Variants in GLIS3 observed in about 807,000 individuals in gnomAD.
GLIS3 encodes zinc finger protein GLIS3.
In GLIS3, 53 loss-of-function variants were observed where a neutral mutation model predicts 78.6. The observed-to-expected ratio is 0.67, with a 90% CI of 0.54 to 0.85. GLIS3 has a LOEUF of 0.85. GLIS3 is among the 40% of genes least tolerant of loss of function. The pLI is 0.00. For synonymous variants in GLIS3, 684 were observed against 509.9 expected (o/e 1.34, Z -4.60); for missense variants, 1,703 against 1,231.1 (o/e 1.38, Z -5.74).
At chr9:4,020,002 C>T (rs572673784) in intron 4 of GLIS3, among the ~76,000 whole-genome samples, 17 of 152,296 alleles carry the variant, frequency 1.1e-4, no homozygotes, top group African/African-American at 3.6e-4. Flanking sequence ...AAGTGATCCA[C>T]CTCCTCCCAA....
chr9:4,266,956 A>G (rs1261253998), intron 2 of GLIS3, among the ~76,000 whole-genome samples: 1 of 152,242 alleles, frequency 6.6e-6, no homozygotes, highest in African/African-American at 2.4e-5. Context: ...TAAGTGCTAC[A>G]TGCTGTGATA....
At chr9:4,386,423 A>G in the GLIS3 span, 13,988 of 151,948 alleles carry the variant, frequency 0.092, 979 homozygotes, top group East Asian at 0.34. Flanking sequence ...TAAATGAAAC[A>G]CTTCACAAAT....
the GLIS3 span, among the ~76,000 whole-genome samples, chr9:4,390,870 A>G: frequency 1.3e-5 from 2 of 152,182 alleles, no homozygotes; most frequent in African/African-American, 4.8e-5. Context: ...AGCAGTAGAG[A>G]GCTGGAGGCA....
At chr9:3,986,613 C>T (rs1819759260) in intron 4 of GLIS3, among the ~76,000 whole-genome samples, 1 of 152,248 alleles carries the variant, frequency 6.6e-6, no homozygotes, top group Admixed American at 6.5e-5. Flanking sequence ...AGAGCAGGGG[C>T]ACTGGCAGGG....
At chr9:4,479,711 C>T in the GLIS3 span, among the ~76,000 whole-genome samples, 5 of 151,926 alleles carry the variant, frequency 3.3e-5, no homozygotes, top group Non-Finnish European at 7.4e-5. Context: ...GTGGCTGCAC[C>T]CCAGGTTAGG....
intron 4 of GLIS3, among the ~76,000 whole-genome samples, chr9:4,012,822 GA>G (rs1453052863): frequency 7.2e-6 from 1 of 138,200 alleles, no homozygotes. Context: ...ATCCAGGCTG[GA>G]GTGCAACGGC....
At chr9:4,385,818 GAAA>G in the GLIS3 span, among the ~76,000 whole-genome samples, 1 of 43,518 alleles carries the variant, frequency 2.3e-5, no homozygotes, top group Non-Finnish European at 5.4e-5. Flanking sequence ...AGAAAAGAAA[GAAA>G]GAGAAAAGAA....
chr9:4,483,723 GAAA>G, the GLIS3 span, among the ~76,000 whole-genome samples: 1 of 108,592 alleles, frequency 9.2e-6, no homozygotes. Flanking sequence ...TTCGTCTTGG[GAAA>G]AAAAAAAAAA....
At chr9:4,394,849 G>C in the GLIS3 span, among the ~76,000 whole-genome samples, 3 of 152,116 alleles carry the variant, frequency 2.0e-5, no homozygotes, top group African/African-American at 7.2e-5. Context: ...GCCAAATATA[G>C]CCTTGTCTAA....
intron 4 of GLIS3, chr9:4,034,776 GCA>G (rs1212109704): frequency 6.6e-6 from 1 of 152,166 alleles, no homozygotes; most frequent in Admixed American, 6.5e-5. Context: ...GAGTTCAACA[GCA>G]CAATTCCTCA....
chr9:4,352,929 G>GT (rs1173941967), upstream of GLIS3, among the ~76,000 whole-genome samples: 1 of 152,214 alleles, frequency 6.6e-6, no homozygotes, highest in African/African-American at 2.4e-5. Context: ...TTTAGTAGGT[G>GT]TAAGTAGCCA....
At chr9:4,423,716 C>T in the GLIS3 span, among the ~76,000 whole-genome samples, 2 of 152,306 alleles carry the variant, frequency 1.3e-5, no homozygotes, top group Middle Eastern at 3.4e-3. Flanking sequence ...ATAAGGGGTA[C>T]ATGGAATCAT....
intron 4 of GLIS3, among the ~76,000 whole-genome samples, chr9:4,043,590 T>C (rs676472): frequency 0.2 from 30,768 of 151,900 alleles, 4,660 homozygotes; most frequent in African/African-American, 0.43. Context: ...ACTCAGTTAT[T>C]GGAGGGCTGG....
intron 2 of GLIS3, among the ~76,000 whole-genome samples, chr9:4,278,432 G>A (rs1307802063): frequency 6.6e-6 from 1 of 152,142 alleles, no homozygotes; most frequent in Non-Finnish European, 1.5e-5. Context: ...ATGGGAACAT[G>A]TCATAAAGAC....
chr9:3,969,257 C>T (rs1818192847), intron 4 of GLIS3, among the ~76,000 whole-genome samples: 1 of 152,228 alleles, frequency 6.6e-6, no homozygotes, highest in Non-Finnish European at 1.5e-5. Context: ...AAATATCAAT[C>T]TCCTTTTCAG....
the GLIS3 span, among the ~76,000 whole-genome samples, chr9:4,375,248 A>G: frequency 6.6e-6 from 1 of 152,248 alleles, no homozygotes; most frequent in South Asian, 2.1e-4. Flanking sequence ...TGAACTCCCA[A>G]CATCAGAATG....
the GLIS3 span, among the ~76,000 whole-genome samples, chr9:4,489,069 G>A: frequency 2.0e-5 from 3 of 151,924 alleles, 1 homozygote; most frequent in South Asian, 2.1e-4. Context: ...GGGTTTCACT[G>A]TGTTAGCCAG....
intron 2 of GLIS3, among the ~76,000 whole-genome samples, chr9:4,131,378 C>A (rs984525964): frequency 1.3e-5 from 2 of 152,074 alleles, no homozygotes; most frequent in Non-Finnish European, 2.9e-5. Flanking sequence ...TGCTTTGGAT[C>A]TGTGTCCCCA....
chr9:3,862,826 T>C (rs542819620), intron 8 of GLIS3, among the ~76,000 whole-genome samples: 110 of 152,334 alleles, frequency 7.2e-4, no homozygotes, highest in African/African-American at 2.5e-3. Flanking sequence ...ACAGCTTGTT[T>C]CATTGTATTC....
Sources: allele counts gnomAD v4.1 joint callset (sites outside exome capture counted in the v4.1 genomes callset), GRCh38; gene constraint gnomAD v4.1.1; transcripts MANE v1.5; gene names NCBI Gene and HGNC (gene_info 2026-07-23, HGNC 2026-07-21).